TAFA1: variants seen among roughly 807,000 people sequenced by gnomAD.
TAFA1 encodes TAFA chemokine like family member 1, also known as chemokine-like protein TAFA-1.
A neutral mutation model predicts 18.5 loss-of-function variants in TAFA1; 4 were observed. The observed-to-expected ratio is 0.22, with a 90% CI of 0.11 to 0.49. TAFA1 has a LOEUF of 0.49. Among genes scored for constraint, TAFA1 ranks in the 20% least tolerant of loss-of-function variants. The pLI is 0.98. For missense variants in TAFA1, 147 were observed against 169.0 expected, an observed-to-expected ratio of 0.87 and a Z score of 0.72; for synonymous variants, 56 against 55.2, an observed-to-expected ratio of 1.01 and a Z score of -0.06.
chr3:68,007,444 T>G (rs1486271222), intron 2 of TAFA1, among the ~76,000 whole-genome samples: 1 of 152,136 alleles, frequency 6.6e-6, no homozygotes. Flanking sequence ...TCATTCTGGA[T>G]TTTGCTCTCC....
chr3:68,121,555 G>A (rs1011713455), intron 2 of TAFA1, among the ~76,000 whole-genome samples: 1 of 152,168 alleles, frequency 6.6e-6, no homozygotes, highest in Non-Finnish European at 1.5e-5. Flanking sequence ...AGAACAGAGT[G>A]TGTTTGGAGT....
chr3:68,145,671 T>A, intron 2 of TAFA1: 3 of 929,758 alleles, frequency 3.2e-6, no homozygotes, highest in Non-Finnish European at 5.4e-6. Flanking sequence ...TTCAGAATCC[T>A]GTATACTGAC....
intron 3 of TAFA1, among the ~76,000 whole-genome samples, chr3:68,534,361 A>G: frequency 6.6e-6 from 1 of 152,334 alleles, no homozygotes; most frequent in South Asian, 2.1e-4. Context: ...AAGATGGCAT[A>G]AAAACATCGA....
intron 2 of TAFA1, among the ~76,000 whole-genome samples, chr3:68,374,340 C>G (rs2069768032): frequency 6.6e-6 from 1 of 152,072 alleles, no homozygotes; most frequent in South Asian, 2.1e-4. Flanking sequence ...ATGGATGGAG[C>G]AGAGCTGAAA....
At chr3:68,373,784 C>G (rs1205561547) in intron 2 of TAFA1, among the ~76,000 whole-genome samples, 1 of 152,162 alleles carries the variant, frequency 6.6e-6, no homozygotes, top group Non-Finnish European at 1.5e-5. Flanking sequence ...ATTTTCAAAT[C>G]TAACTCCAAT....
intron 2 of TAFA1, among the ~76,000 whole-genome samples, chr3:68,337,880 A>G (rs2069001950): frequency 6.6e-6 from 1 of 152,194 alleles, no homozygotes; most frequent in South Asian, 2.1e-4. Flanking sequence ...CCAGCTGAAA[A>G]AAGAGCAGTG....
chr3:68,522,832 T>C (rs970031110), intron 3 of TAFA1, among the ~76,000 whole-genome samples: 26 of 147,034 alleles, frequency 1.8e-4, no homozygotes, highest in African/African-American at 6.4e-4. Flanking sequence ...CTGGGCGACT[T>C]TGGGAGGCTG....
At chr3:68,103,083 A>G (rs141116490) in intron 2 of TAFA1, among the ~76,000 whole-genome samples, 1 of 152,316 alleles carries the variant, frequency 6.6e-6, no homozygotes, top group Non-Finnish European at 1.5e-5. Flanking sequence ...TGCATTACCC[A>G]AGTTTGGAGA....
At position 68,135,213 on chromosome 3, in the gene TAFA1, C is replaced by T. The variant is rs114653170; in HGVS notation, c.118+128469C>T. On this transcript the variant is annotated intron_variant, in intron 2 of 4. Coordinates refer to ENST00000478136, the MANE Select transcript of TAFA1 (RefSeq NM_213609.4). The stretch of plus-strand genomic sequence containing the variant: ...TATCTGTCAGAGAGCCTGGAAAATG[C>T]AGTTTTTTAACTGGGCACATTGCCA... Among the ~76,000 whole-genome samples, 991 of 152,232 alleles carry T rather than the reference C, an allele frequency of 6.5e-3. 7 individuals are homozygous for T. Among genetic ancestry groups the T allele is most frequent in the African/African-American group, 0.023 (954 of 41,534 alleles).
chr3:68,311,907 G>A (rs531855202), intron 2 of TAFA1, among the ~76,000 whole-genome samples: 1 of 152,318 alleles, frequency 6.6e-6, no homozygotes, highest in South Asian at 2.1e-4. Flanking sequence ...GGTTCTCCAT[G>A]AGGGGCATGC....
At chr3:68,134,581 T>A (rs1180479320) in intron 2 of TAFA1, among the ~76,000 whole-genome samples, 1 of 152,166 alleles carries the variant, frequency 6.6e-6, no homozygotes, top group Non-Finnish European at 1.5e-5. Flanking sequence ...TACATTTTCT[T>A]ATAGTTAGAA....
chr3:68,173,752 T>G (rs1056868567), intron 2 of TAFA1, among the ~76,000 whole-genome samples: 1 of 152,150 alleles, frequency 6.6e-6, no homozygotes, highest in African/African-American at 2.4e-5. Context: ...ATTGTGTTGG[T>G]TTTTTGCCTT....
intron 2 of TAFA1, among the ~76,000 whole-genome samples, chr3:68,133,541 C>A (rs942613400): frequency 6.6e-6 from 1 of 152,038 alleles, no homozygotes. Context: ...GTCTTATTTC[C>A]TCAAGCAGTG....
chr3:68,380,180 G>A (rs1433785432), intron 2 of TAFA1, among the ~76,000 whole-genome samples: 1 of 152,078 alleles, frequency 6.6e-6, no homozygotes, highest in African/African-American at 2.4e-5. Context: ...TTGGACATTT[G>A]GGTTGGTTCC....
At chr3:68,033,635 A>T (rs1364611770) in intron 2 of TAFA1, among the ~76,000 whole-genome samples, 4 of 152,212 alleles carry the variant, frequency 2.6e-5, no homozygotes, top group Non-Finnish European at 5.9e-5. Context: ...GGATTAAGTC[A>T]TGCTAGATAT....
At chr3:68,402,237 T>C (rs979249769) in intron 2 of TAFA1, among the ~76,000 whole-genome samples, 1 of 152,084 alleles carries the variant, frequency 6.6e-6, no homozygotes, top group Non-Finnish European at 1.5e-5. Flanking sequence ...CATTGATTCA[T>C]GCAAACTTGT....
chr3:68,112,065 A>G (rs1241809394), intron 2 of TAFA1, among the ~76,000 whole-genome samples: 1 of 146,610 alleles, frequency 6.8e-6, no homozygotes, highest in African/African-American at 2.5e-5. Context: ...CAGAGTCACC[A>G]ATGAAAATAA....
intron 3 of TAFA1, among the ~76,000 whole-genome samples, chr3:68,481,813 G>A (rs941367867): frequency 2.6e-5 from 4 of 151,892 alleles, no homozygotes; most frequent in East Asian, 3.9e-4. Context: ...TTCTTAATAC[G>A]AATTCCTTCA....
intron 3 of TAFA1, among the ~76,000 whole-genome samples, chr3:68,520,400 TCA>T (rs1181410000): frequency 6.6e-5 from 10 of 152,330 alleles, no homozygotes; most frequent in African/African-American, 2.4e-4. Context: ...TGGCTGATGT[TCA>T]GTTTTCTCCC....
Sources: allele counts gnomAD v4.1 joint callset (sites outside exome capture counted in the v4.1 genomes callset), GRCh38; gene constraint gnomAD v4.1.1; transcripts MANE v1.5; gene names NCBI Gene and HGNC (gene_info 2026-07-23, HGNC 2026-07-21).